SERINC5: variants seen among roughly 807,000 people sequenced by gnomAD.
The protein encoded by SERINC5 is chromosome 5 open reading frame 12.
Under a neutral mutation model 63.1 loss-of-function variants are expected in SERINC5, and 41 were observed. The observed-to-expected ratio is 0.65, with a 90% CI of 0.51 to 0.84. The LOEUF is 0.84. Among genes scored for constraint, SERINC5 ranks in the 40% least tolerant of loss-of-function variants. The pLI is 0.00. For synonymous variants in SERINC5, 222 were observed against 215.2 expected (o/e 1.03, Z -0.28); for missense variants, 523 against 573.0 (o/e 0.91, Z 0.89).
intron 11 of SERINC5, among the ~76,000 whole-genome samples, chr5:80,120,006 A>G (rs1561346861): frequency 6.6e-6 from 1 of 152,218 alleles, no homozygotes; most frequent in African/African-American, 2.4e-5. Context: ...TCGTCCACAT[A>G]ATAGCTGTGG....
In SERINC5 at chr5:80,150,896, C is replaced by T; in HGVS notation, c.1039G>A (p.Ala347Thr). The T allele has an allele frequency of 6.2e-7, 1 of 1,612,554 alleles. No homozygotes were observed. The highest frequency in any genetic ancestry group is 8.5e-7 in the Non-Finnish European group (1 of 1,178,562). ...AATGAACTTACCTCCAATTCAGGAG[C>T]TGCGTATCGCCCCTGCAGAGCGTCA... is the stretch of plus-strand genomic sequence containing the variant. ...SSDALQGRYA[A>T]PELEIARCCF... The change falls in exon 9 of 12, where the codon GCT becomes ACT. Residue 347 changes from alanine (A) to threonine (T), a missense_variant. By Grantham distance (58) the Ala-to-Thr change is moderately conservative (BLOSUM62 0). Coordinates refer to ENST00000507668, the MANE Select transcript of SERINC5 (RefSeq NM_001174072.3).
intron 2 of SERINC5, among the ~76,000 whole-genome samples, chr5:80,193,126 G>C (rs1021708476): frequency 2.0e-5 from 3 of 152,196 alleles, no homozygotes; most frequent in African/African-American, 7.2e-5. Context: ...ATGACAGCTA[G>C]GCAATTTTTT....
intron 1 of SERINC5, chr5:80,255,009 T>G (rs1278450141): frequency 6.6e-6 from 1 of 152,154 alleles, no homozygotes; most frequent in Non-Finnish European, 1.5e-5. Context: ...AAACACTCCA[T>G]TAAAACTCTG....
At chr5:80,203,276 A>G (rs779738909) in intron 1 of SERINC5, 28 of 163,888 alleles carry the variant, frequency 1.7e-4, no homozygotes, top group South Asian at 8.0e-4. Flanking sequence ...ATATATGTGT[A>G]TATATATTTA....
At chr5:80,189,848 A>C (rs1257468190) in intron 2 of SERINC5, among the ~76,000 whole-genome samples, 1 of 151,900 alleles carries the variant, frequency 6.6e-6, no homozygotes, top group Non-Finnish European at 1.5e-5. Context: ...AGAAGCTGGG[A>C]CTAGAGGTGC....
chr5:80,127,168 C>A (rs1190961930), intron 11 of SERINC5, among the ~76,000 whole-genome samples: 1 of 152,186 alleles, frequency 6.6e-6, no homozygotes. Context: ...AATACTTCCC[C>A]ACTTCATTGC....
intron 6 of SERINC5, among the ~76,000 whole-genome samples, chr5:80,168,996 T>A (rs1297349949): frequency 6.6e-6 from 1 of 152,204 alleles, no homozygotes; most frequent in Non-Finnish European, 1.5e-5. Flanking sequence ...ACACAGAGAT[T>A]GTAGGCAAGC....
chr5:80,143,371 T>C lies in SERINC5; in HGVS notation c.*292A>G. Reference sequence around the variant, plus strand: ...AAGATGCTGTGCCCCAAATTCTGTTTTGGCAAAAACATGCAGAAGGAAGTC... The same window carrying C: ...AAGATGCTGTGCCCCAAATTCTGTTCTGGCAAAAACATGCAGAAGGAAGTC... On this transcript the variant is annotated 3_prime_UTR_variant, in exon 12 of 12. Coordinates refer to ENST00000507668, the MANE Select transcript of SERINC5 (RefSeq NM_001174072.3). The C allele has an allele frequency of 9.0e-7, 1 of 1,113,722 alleles. No homozygotes were observed. 69.0% of individuals were successfully genotyped at this position (1,113,722 alleles called of 1,614,324 possible). A position where few individuals can be genotyped will look rare whatever the true frequency, so the allele number is the denominator to read the frequency against.
chr5:80,165,665 G>A (rs1747247998), intron 7 of SERINC5, among the ~76,000 whole-genome samples: 1 of 152,170 alleles, frequency 6.6e-6, no homozygotes, highest in South Asian at 2.1e-4. Flanking sequence ...CACATAGCCA[G>A]TAAATCATGG....
rs145330680 is a variant in SERINC5 at position 80,233,773 on chromosome 5, C to T, written c.27+22123G>A. Among the ~76,000 whole-genome samples the T allele has an allele frequency of 5.4e-4, 78 of 143,298 alleles. No homozygotes were observed. In the East Asian group the frequency reaches 0.014, roughly 26 times the overall value. The allele number at this position is 143,298 out of a possible 152,430, so 94.0% of individuals were successfully genotyped here. On this transcript the variant is annotated intron_variant, in intron 1 of 11. Transcript: ENST00000507668. ...GCTGTAAAATGCTTTGTAAAGTTTA[C>T]AGGAAGTATTTTATAGATCTTTCAA... is the stretch of plus-strand genomic sequence containing the variant.
chr5:80,138,552 C>T (rs563254847), downstream of SERINC5, among the ~76,000 whole-genome samples: 7 of 151,722 alleles, frequency 4.6e-5, no homozygotes, highest in South Asian at 2.1e-4. Context: ...GCCGAGATCG[C>T]GCCACTGTAC....
chr5:80,134,825 C>A (rs1264371473), downstream of SERINC5, among the ~76,000 whole-genome samples: 1 of 152,198 alleles, frequency 6.6e-6, no homozygotes, highest in Non-Finnish European at 1.5e-5. Context: ...TCTCACACAG[C>A]ACCCTGACAT....
intron 3 of SERINC5, 24 bp from the exon 4 acceptor site, chr5:80,177,421 A>T: frequency 6.4e-7 from 1 of 1,574,240 alleles, no homozygotes; most frequent in Non-Finnish European, 8.7e-7. Flanking sequence ...GAAAAAAAAG[A>T]GGAAATGTAT....
chr5:80,178,052 C>CA lies in SERINC5; in HGVS notation c.207dup (p.Glu70Ter). The stretch of plus-strand genomic sequence containing the variant: ...GCTTTAATGCCTTTACACATATCTT[C>CA]AAAAAAAGGAATCTGAGGAGAAAGT... On this transcript the variant is annotated frameshift_variant, in exon 3 of 12. Coordinates refer to ENST00000507668, the MANE Select transcript of SERINC5 (RefSeq NM_001174072.3). LOFTEE classifies it high-confidence loss of function. The CA allele has an allele frequency of 2.5e-6, 4 of 1,592,402 alleles. No individual in the cohort carries two copies. Among genetic ancestry groups the CA allele is most frequent in the Admixed American group, 1.8e-5 (1 of 54,154 alleles).
At chr5:80,173,273 G>T (rs1747791986) in intron 5 of SERINC5, among the ~76,000 whole-genome samples, 1 of 142,524 alleles carries the variant, frequency 7.0e-6, no homozygotes, top group Admixed American at 6.9e-5. Flanking sequence ...AAGGAAGGAA[G>T]GAAGGAAGAA....
At chr5:80,233,971 C>G (rs1751573872) in intron 1 of SERINC5, among the ~76,000 whole-genome samples, 1 of 151,664 alleles carries the variant, frequency 6.6e-6, no homozygotes, top group Non-Finnish European at 1.5e-5. Flanking sequence ...GCCACCATGC[C>G]CAGCTAATTT....
intron 1 of SERINC5, among the ~76,000 whole-genome samples, chr5:80,211,038 C>T (rs1400662357): frequency 2.0e-5 from 3 of 152,152 alleles, no homozygotes; most frequent in Non-Finnish European, 2.9e-5. Context: ...CCTGTCAACC[C>T]TGCAAGAGGT....
intron 1 of SERINC5, among the ~76,000 whole-genome samples, chr5:80,254,274 T>G (rs1411342637): frequency 6.6e-5 from 10 of 152,314 alleles, no homozygotes; most frequent in Admixed American, 6.5e-4. Flanking sequence ...GAAATCACAG[T>G]GTGATCACCA....
intron 1 of SERINC5, among the ~76,000 whole-genome samples, chr5:80,230,779 C>CTCTT (rs35523095): frequency 4.0e-5 from 6 of 149,832 alleles, no homozygotes; most frequent in African/African-American, 1.0e-4. Flanking sequence ...TATAATTTCT[C>CTCTT]TCTTTCTTTC....
Sources: gnomAD v4.1 joint callset for allele counts (sites outside exome capture counted in the v4.1 genomes callset) on GRCh38, gnomAD v4.1.1 for gene constraint, MANE v1.5 for transcripts, NCBI Gene and HGNC (gene_info 2026-07-23, HGNC 2026-07-21) for gene names.